USP7: variants seen among roughly 807,000 people sequenced by gnomAD.
The protein encoded by USP7 is ubiquitin C-terminal hydrolase 7.
In USP7, 9 loss-of-function variants were observed where a neutral mutation model predicts 162.9. That is an observed-to-expected ratio of 0.06 (90% CI 0.03 to 0.10). The LOEUF is 0.10. Ranked by LOEUF, USP7 falls within the 10% of genes least tolerant of loss-of-function variation. The pLI, the probability that USP7 is intolerant of heterozygous loss-of-function variation, is 1.00. For synonymous variants in USP7, 562 were observed against 475.9 expected (o/e 1.18, Z -2.35); for missense variants, 715 against 1,373.7 (o/e 0.52, Z 7.58).
At chr16:8,902,896 CTG>C (rs554132759) in intron 16 of USP7, among the ~76,000 whole-genome samples, 10 of 152,142 alleles carry the variant, frequency 6.6e-5, no homozygotes, top group Non-Finnish European at 1.3e-4. Flanking sequence ...GAAAAAAAGA[CTG>C]TGATTCTAAG....
chr16:8,923,143 C>A, intron 3 of USP7, 72 bp downstream of exon 3: 5 of 692,964 alleles, frequency 7.2e-6, no homozygotes, highest in South Asian at 5.9e-5. Context: ...TATGTAGAGG[C>A]AGCAAATAAC....
Position 8,963,755 on chromosome 16 carries a change from G to A in USP7, c.-470C>T, listed in dbSNP as rs1271409516. ...CGGGCCTGCGGGCCCTGGGGCCGGC[G>A]GGAGCGGCGGAGCGGGCGGGCGACG... On this transcript the variant is annotated 5_prime_UTR_variant, in exon 1 of 31. Transcript: ENST00000344836. 1.4e-5 allele frequency among the ~76,000 whole-genome samples: 2 copies of A among 144,808 alleles called. No individual in the cohort carries two copies. The highest frequency in any genetic ancestry group is 4.1e-4 in the East Asian group (2 of 4,892). 95.0% of individuals were successfully genotyped at this position (144,808 alleles called of 152,430 possible). A position where few individuals can be genotyped will look rare whatever the true frequency, so the allele number is the denominator to read the frequency against.
intron 10 of USP7, among the ~76,000 whole-genome samples, chr16:8,912,804 A>G (rs2061968783): frequency 6.6e-6 from 1 of 152,114 alleles, no homozygotes; most frequent in Non-Finnish European, 1.5e-5. Context: ...AAAAGAAGAG[A>G]TAAAGATTTT....
chr16:8,902,205 G>C lies in USP7; in HGVS notation c.1942-18C>G. 2 of 1,610,788 alleles carry C rather than the reference G, an allele frequency of 1.2e-6. No individual in the cohort carries two copies. Among genetic ancestry groups the C allele is most frequent in the Non-Finnish European group, 1.7e-6 (2 of 1,177,286 alleles). ...TCAATCATCTATTTCCAAAAGAGAC[G>C]CTGATTTTAGAAGAGTCTAATGGCT... On this transcript the variant is annotated intron_variant, in intron 17 of 30. Transcript: ENST00000344836.
At chr16:8,919,205 A>G in intron 5 of USP7, 66 bp from the exon 6 acceptor site, 2 of 1,532,458 alleles carry the variant, frequency 1.3e-6, no homozygotes, top group East Asian at 4.5e-5. Context: ...GTGTGTGTGA[A>G]GCAATCTGAC....
intron 30 of USP7, 125 bp from the exon 31 acceptor site, chr16:8,894,229 A>AAG: frequency 1.1e-6 from 1 of 888,208 alleles, no homozygotes; most frequent in Non-Finnish European, 1.8e-6. Context: ...GGAAGCCAGG[A>AAG]CCTGAGCTAC....
chr16:8,901,667 G>A (rs1462487258), intron 18 of USP7, among the ~76,000 whole-genome samples: 2 of 152,164 alleles, frequency 1.3e-5, no homozygotes, highest in Non-Finnish European at 2.9e-5. Flanking sequence ...CTGTTTTGTC[G>A]ATAAAGTTGT....
chr16:8,911,972 T>C (rs1395311714), intron 10 of USP7, among the ~76,000 whole-genome samples: 2 of 152,222 alleles, frequency 1.3e-5, no homozygotes, highest in African/African-American at 2.4e-5. Context: ...ACTGAAAGGA[T>C]GTGGGGACAG....
At chr16:8,906,322 A>AG in intron 13 of USP7, 104 bp downstream of exon 13, 1 of 1,343,106 alleles carries the variant, frequency 7.4e-7, no homozygotes, top group Non-Finnish European at 1.0e-6. Flanking sequence ...TAGATCAGTT[A>AG]GGGGTCCCTG....
chr16:8,927,088 G>C (rs890409347), intron 2 of USP7, among the ~76,000 whole-genome samples: 5 of 152,174 alleles, frequency 3.3e-5, no homozygotes, highest in Non-Finnish European at 4.4e-5. Context: ...GCCGGGGTGG[G>C]CGAGGCGAAT....
At chr16:8,940,110 G>C (rs1898967007) in intron 1 of USP7, among the ~76,000 whole-genome samples, 1 of 152,008 alleles carries the variant, frequency 6.6e-6, no homozygotes, top group African/African-American at 2.4e-5. Context: ...AAAAAAAAAG[G>C]CTGTTTCCAT....
chr16:8,911,098 C>T (rs973997174), intron 10 of USP7, among the ~76,000 whole-genome samples: 22 of 152,192 alleles, frequency 1.4e-4, no homozygotes, highest in African/African-American at 5.3e-4. Context: ...GAACAAAGCA[C>T]ATACTGTAAA....
At chr16:8,895,811 C>T in intron 26 of USP7, 70 bp from the exon 27 acceptor site, 1 of 1,061,856 alleles carries the variant, frequency 9.4e-7, no homozygotes, top group Non-Finnish European at 1.3e-6. Context: ...AAATGGTTTT[C>T]TAGAAAGAAA....
chr16:8,901,623 A>G (rs976344342), intron 18 of USP7, among the ~76,000 whole-genome samples: 1 of 152,208 alleles, frequency 6.6e-6, no homozygotes, highest in Non-Finnish European at 1.5e-5. Flanking sequence ...AAAGTCTGTC[A>G]TTTTATAGCA....
chr16:8,898,867 T>C, intron 23 of USP7: 1 of 615,222 alleles, frequency 1.6e-6, no homozygotes, highest in Non-Finnish European at 2.8e-6. Flanking sequence ...CTGGCAGGAC[T>C]GACCAGCTGG....
intron 29 of USP7, 46 bp downstream of exon 29, chr16:8,894,738 T>A (rs578043162): frequency 6.2e-7 from 1 of 1,614,120 alleles, no homozygotes; most frequent in Admixed American, 1.7e-5. Flanking sequence ...TAGGCAAGGC[T>A]TGAGCCTATG....
intron 6 of USP7, among the ~76,000 whole-genome samples, chr16:8,918,442 T>C (rs556087872): frequency 6.6e-6 from 1 of 152,348 alleles, no homozygotes; most frequent in South Asian, 2.1e-4. Context: ...ACTTTGCAAA[T>C]GTTGCTGTTA....
At chr16:8,898,778 C>T (rs977362871) in intron 23 of USP7, 139 bp from the exon 24 acceptor site, 14 of 677,650 alleles carry the variant, frequency 2.1e-5, no homozygotes, top group South Asian at 1.2e-4. Context: ...TAACTTAATA[C>T]TCCTGTTTCC....
rs183021971 is a variant in USP7, at chr16:8,903,412, T to C, written c.1705-10A>G. 4,584 of 1,612,312 alleles carry C rather than the reference T, an allele frequency of 2.8e-3. 35 individuals carry two copies. The highest frequency in any genetic ancestry group is 0.019 in the Middle Eastern group (114 of 6,058). ...GGTCCTCTGCGACTATCTGAAAATA[T>C]GTATGAAAGCACAGAAAAGACTTGA... On this transcript the variant is annotated splice_polypyrimidine_tract_variant and intron_variant, in intron 15 of 30. Coordinates refer to ENST00000344836, the MANE Select transcript of USP7 (RefSeq NM_003470.3).
Sources: allele counts gnomAD v4.1 joint callset (sites outside exome capture counted in the v4.1 genomes callset), GRCh38; gene constraint gnomAD v4.1.1; transcripts MANE v1.5; gene names NCBI Gene and HGNC (gene_info 2026-07-23, HGNC 2026-07-21).